Variants in MROH9 observed in about 807,000 individuals in gnomAD.
The protein encoded by MROH9 is maestro heat-like repeat-containing protein family member 9.
In MROH9, 92 loss-of-function variants were observed where a neutral mutation model predicts 98.2. The ratio of observed to expected loss-of-function variants is 0.94; its 90% CI spans 0.79 to 1.11. The LOEUF (loss-of-function observed/expected upper bound fraction) is 1.11. Ranked by LOEUF, MROH9 falls within the 50% of genes most tolerant of loss-of-function variation. The pLI is 0.00. For synonymous variants in MROH9, 397 were observed against 368.9 expected (o/e 1.08, Z -0.87); for missense variants, 1,057 against 1,014.8 (o/e 1.04, Z -0.57).
At chr1:171,048,143 T>G (rs1653525126) in intron 20 of MROH9, among the ~76,000 whole-genome samples, 1 of 152,128 alleles carries the variant, frequency 6.6e-6, no homozygotes, top group Non-Finnish European at 1.5e-5. Context: ...CAAGGCCTAC[T>G]GTGACCACTC....
At chr1:171,027,820 T>C (rs1408459207) in intron 20 of MROH9, among the ~76,000 whole-genome samples, 1 of 152,268 alleles carries the variant, frequency 6.6e-6, no homozygotes, top group Non-Finnish European at 1.5e-5. Flanking sequence ...TTGAGCTTTT[T>C]TTCATATGCT....
chr1:171,040,316 T>C (rs1044408133), intron 20 of MROH9, among the ~76,000 whole-genome samples: 2 of 152,000 alleles, frequency 1.3e-5, no homozygotes, highest in Non-Finnish European at 2.9e-5. Context: ...AAACTGTACT[T>C]AATAATATTG....
At position 170,947,667 on chromosome 1, in the gene MROH9, G is replaced by A. The variant is rs1649386487; in HGVS notation, c.72+94G>A. ...CCATTACAAGGATGTTACAAGTAATGTTTAAAATACATGTGTTGGGGGAGA... is the reference window on the plus strand; with the variant it reads ...CCATTACAAGGATGTTACAAGTAATATTTAAAATACATGTGTTGGGGGAGA... On this transcript the variant is annotated intron_variant, in intron 3 of 21. Coordinates refer to ENST00000367759, the MANE Select transcript of MROH9 (RefSeq NM_001163629.2). 3.4e-6 allele frequency: 4 copies of A among 1,159,966 alleles called. No homozygotes were observed. The South Asian group carries it at 5.5e-5, about 16-fold the overall frequency. The allele number at this position is 1,159,966 out of a possible 1,614,324, so 71.9% of individuals were successfully genotyped here. A position where few individuals can be genotyped will look rare whatever the true frequency, so the allele number is the denominator to read the frequency against.
At chr1:170,947,707 G>A (rs998142981) in intron 3 of MROH9, 134 bp downstream of exon 3, 57 of 737,546 alleles carry the variant, frequency 7.7e-5, no homozygotes, top group Admixed American at 1.8e-4. Flanking sequence ...GGAAAAAAAG[G>A]CAATTTGGTT....
intron 5 of MROH9, among the ~76,000 whole-genome samples, 195 bp from the exon 6 acceptor site, chr1:170,961,695 A>G (rs1348011259): frequency 1.3e-5 from 2 of 152,164 alleles, no homozygotes; most frequent in African/African-American, 4.8e-5. Flanking sequence ...ATTTTTTAAT[A>G]TCTGAGATAA....
At chr1:171,048,196 G>C (rs1028012045) in intron 20 of MROH9, among the ~76,000 whole-genome samples, 1 of 152,124 alleles carries the variant, frequency 6.6e-6, no homozygotes, top group African/African-American at 2.4e-5. Flanking sequence ...TCTACAATTG[G>C]CATGTGGCAA....
intron 20 of MROH9, among the ~76,000 whole-genome samples, chr1:171,045,970 G>A (rs142697810): frequency 3.2e-4 from 49 of 152,198 alleles, no homozygotes; most frequent in African/African-American, 1.2e-3. Flanking sequence ...ATATCTGAGT[G>A]CTCCTATGTT....
intron 3 of MROH9, among the ~76,000 whole-genome samples, chr1:170,956,457 T>C (rs1649760051): frequency 6.6e-6 from 1 of 152,198 alleles, no homozygotes; most frequent in South Asian, 2.1e-4. Context: ...GCATGGGATA[T>C]GTTTCCTTTT....
At chr1:170,943,469 A>G (rs905165635) in intron 1 of MROH9, among the ~76,000 whole-genome samples, 1 of 152,022 alleles carries the variant, frequency 6.6e-6, no homozygotes, top group Non-Finnish European at 1.5e-5. Context: ...AAGAAAATAT[A>G]TAAATAAATT....
chr1:170,998,876 A>G, intron 15 of MROH9: 1 of 460,362 alleles, frequency 2.2e-6, no homozygotes, highest in Non-Finnish European at 2.9e-6. Flanking sequence ...GAAGTGCCCA[A>G]TACTTTCAAA....
chr1:170,944,568 A>G (rs756046376), intron 1 of MROH9, among the ~76,000 whole-genome samples: 15 of 149,112 alleles, frequency 1.0e-4, no homozygotes, highest in Non-Finnish European at 1.8e-4. Context: ...GGTTGCAAAT[A>G]AAAAGACGGA....
At chr1:171,053,168 C>T (rs549028338) in intron 20 of MROH9, among the ~76,000 whole-genome samples, 17 of 152,130 alleles carry the variant, frequency 1.1e-4, no homozygotes, top group African/African-American at 3.8e-4. Context: ...ATGCACTCCA[C>T]ATTCCCTGCT....
chr1:170,957,985 A>G (rs566756326), intron 3 of MROH9, among the ~76,000 whole-genome samples: 1 of 151,164 alleles, frequency 6.6e-6, no homozygotes, highest in Admixed American at 6.6e-5. Context: ...ATTTTTTTCT[A>G]TTTTTAGTAG....
chr1:170,979,161 A>G (rs1414381479), intron 8 of MROH9, among the ~76,000 whole-genome samples: 1 of 152,262 alleles, frequency 6.6e-6, no homozygotes, highest in Non-Finnish European at 1.5e-5. Context: ...GAAACCAACA[A>G]AATTAACGTG....
chr1:171,051,567 A>T (rs1653666636), intron 20 of MROH9, among the ~76,000 whole-genome samples: 1 of 152,142 alleles, frequency 6.6e-6, no homozygotes, highest in South Asian at 2.1e-4. Flanking sequence ...GGAAGGGAAC[A>T]ACACAAACTG....
intron 16 of MROH9, chr1:171,014,989 T>G (rs1652280342): frequency 6.4e-6 from 3 of 471,868 alleles, no homozygotes; most frequent in Middle Eastern, 3.2e-4. Context: ...TTGACTCACA[T>G]GAATACTTCT....
chr1:171,058,642 C>T (rs940283757), intron 20 of MROH9, among the ~76,000 whole-genome samples: 2 of 152,188 alleles, frequency 1.3e-5, no homozygotes, highest in Non-Finnish European at 2.9e-5. Flanking sequence ...GGTACAAAAA[C>T]AGACATATAG....
At chr1:170,944,885 GATGT>G (rs1300349164) in intron 1 of MROH9, among the ~76,000 whole-genome samples, 1 of 152,012 alleles carries the variant, frequency 6.6e-6, no homozygotes, top group Non-Finnish European at 1.5e-5. Flanking sequence ...ATCTGAATAT[GATGT>G]ATGATGGGAA....
intron 20 of MROH9, among the ~76,000 whole-genome samples, chr1:171,040,715 G>A (rs900651016): frequency 1.2e-4 from 18 of 151,996 alleles, no homozygotes; most frequent in Admixed American, 7.9e-4. Flanking sequence ...TCACAAAATG[G>A]GTGTGAGTAG....
Sources: gnomAD v4.1 joint callset for allele counts (sites outside exome capture counted in the v4.1 genomes callset) on GRCh38, gnomAD v4.1.1 for gene constraint, MANE v1.5 for transcripts, NCBI Gene and HGNC (gene_info 2026-07-23, HGNC 2026-07-21) for gene names.